The following SARNP variants were observed in gnomAD, a reference collection of about 807,000 sequenced individuals.
SARNP encodes the protein SAP domain-containing ribonucleoprotein.
A neutral mutation model predicts 38.1 loss-of-function variants in SARNP; 5 were observed. The ratio of observed to expected loss-of-function variants is 0.13; its 90% CI spans 0.07 to 0.28. SARNP has a LOEUF of 0.28. SARNP is among the 10% of genes least tolerant of loss of function. The pLI, the probability that SARNP is intolerant of heterozygous loss-of-function variation, is 1.00. For missense variants in SARNP, 180 were observed against 243.9 expected, an observed-to-expected ratio of 0.74 and a Z score of 1.75; for synonymous variants, 84 against 80.6, an observed-to-expected ratio of 1.04 and a Z score of -0.23.
intron 9 of SARNP, 147 bp from the exon 10 acceptor site, chr12:55,760,787 A>G: frequency 1.6e-6 from 1 of 623,400 alleles, no homozygotes; most frequent in Non-Finnish European, 2.9e-6. Flanking sequence ...GATACATAAG[A>G]AACTGAATAA....
intron 7 of SARNP, chr12:55,792,535 C>CTTTTTTTTTTTTTTTTTTTTTTTTT: frequency 9.7e-6 from 1 of 103,196 alleles, no homozygotes; most frequent in South Asian, 3.7e-4. Context: ...CCACACCCAG[C>CTTTTTTTTTTTTTTTTTTTTTTTTT]TTTTTTTTTT....
At chr12:55,803,003 T>C (rs1055600528) in intron 2 of SARNP, among the ~76,000 whole-genome samples, 1 of 149,800 alleles carries the variant, frequency 6.7e-6, no homozygotes, top group African/African-American at 2.4e-5. Context: ...AATTACCAAT[T>C]ATATAAATGA....
chr12:55,774,105 A>G (rs1192654261), intron 9 of SARNP, among the ~76,000 whole-genome samples: 1 of 152,084 alleles, frequency 6.6e-6, no homozygotes, highest in Non-Finnish European at 1.5e-5. Flanking sequence ...CCTTGGCTCA[A>G]GCAATCCTCC....
At chr12:55,773,969 A>C (rs1221792549) in intron 9 of SARNP, among the ~76,000 whole-genome samples, 1 of 151,930 alleles carries the variant, frequency 6.6e-6, no homozygotes, top group Non-Finnish European at 1.5e-5. Context: ...TGGCCTCCCA[A>C]AATGCTAGGA....
rs151159134 is a variant in SARNP, at chr12:55,774,619, G to A, written c.502-13979C>T. ...AAAAATTAGCCAGGTGTGGCGGCAT[G>A]CACCTGTAATCCCAGCTACTCGGGA... On this transcript the variant is annotated intron_variant, in intron 9 of 10. Coordinates refer to ENST00000336133, the MANE Select transcript of SARNP (RefSeq NM_033082.4). 4.4e-3 allele frequency among the ~76,000 whole-genome samples: 650 copies of A among 148,318 alleles called. 4 individuals are homozygous for A. The highest frequency in any genetic ancestry group is 4.2e-3 in the Non-Finnish European group (285 of 67,640).
At chr12:55,799,606 T>G (rs1374522127) in intron 4 of SARNP, among the ~76,000 whole-genome samples, 2 of 130,504 alleles carry the variant, frequency 1.5e-5, no homozygotes. Context: ...CAGGCTGGAG[T>G]GCAGTGCCAC....
At chr12:55,774,401 C>T (rs539240606) in intron 9 of SARNP, among the ~76,000 whole-genome samples, 1 of 151,818 alleles carries the variant, frequency 6.6e-6, no homozygotes, top group East Asian at 1.9e-4. Flanking sequence ...CCAATAAACT[C>T]CCTACCAATA....
At chr12:55,814,152 A>G (rs1880414082) in intron 1 of SARNP, among the ~76,000 whole-genome samples, 1 of 152,150 alleles carries the variant, frequency 6.6e-6, no homozygotes, top group Non-Finnish European at 1.5e-5. Flanking sequence ...TAAAGGTTTT[A>G]AGCAGGGGAA....
At chr12:55,760,398 C>T (rs559158384) in intron 10 of SARNP, 153 bp downstream of exon 10, 1 of 581,448 alleles carries the variant, frequency 1.7e-6, no homozygotes, top group South Asian at 2.4e-5. Flanking sequence ...TCAGTTTATT[C>T]ACTCTCACTT....
At chr12:55,800,667 A>G (rs1438595436) in intron 3 of SARNP, 38 bp from the exon 4 acceptor site, 2 of 1,514,238 alleles carry the variant, frequency 1.3e-6, no homozygotes, top group South Asian at 1.2e-5. Context: ...ACATAAATCT[A>G]AAGAATAAAT....
At chr12:55,800,117 G>A (rs1006710357) in intron 4 of SARNP, among the ~76,000 whole-genome samples, 10 of 151,862 alleles carry the variant, frequency 6.6e-5, no homozygotes, top group Non-Finnish European at 1.3e-4. Context: ...CTTGAGCCTG[G>A]GAAGCAGAAG....
Position 55,771,419 on chromosome 12 carries a change from G to A in SARNP, c.502-10779C>T, listed in dbSNP as rs890689001. On this transcript the variant is annotated intron_variant, in intron 9 of 10. Coordinates refer to ENST00000336133, the MANE Select transcript of SARNP (RefSeq NM_033082.4). ...TCACTGGATTCAAATAAGAAACATCGTTATTCTCTGCGACCAAAAGAATTA... is the reference window on the plus strand; with the variant it reads ...TCACTGGATTCAAATAAGAAACATCATTATTCTCTGCGACCAAAAGAATTA... Among the ~76,000 whole-genome samples the A allele has an allele frequency of 3.3e-5, 5 of 152,266 alleles. No homozygotes were observed. In the East Asian group the frequency reaches 5.8e-4, roughly 18 times the overall value.
At position 55,760,718 on chromosome 12, in the gene SARNP, T is replaced by C. The variant is rs547128530; in HGVS notation, c.502-78A>G. The C allele has an allele frequency of 5.1e-4, 520 of 1,015,602 alleles. 1 individual carries two copies. Among genetic ancestry groups the C allele is most frequent in the South Asian group, 1.6e-3 (118 of 75,816 alleles). 62.9% of individuals were successfully genotyped at this position (1,015,602 alleles called of 1,614,324 possible). A position where few individuals can be genotyped will look rare whatever the true frequency, so the allele number is the denominator to read the frequency against. Reference sequence around the variant, plus strand: ...TAAATGGGAATGAAATGATAACTTATTGGTCACAAGGTGCTAACCAACCCT... The same window carrying C: ...TAAATGGGAATGAAATGATAACTTACTGGTCACAAGGTGCTAACCAACCCT... On this transcript the variant is annotated intron_variant, in intron 9 of 10. Transcript: ENST00000336133.
At chr12:55,754,652 C>T (rs1177152691), downstream of SARNP, 1 of 152,206 alleles carries the variant, frequency 6.6e-6, no homozygotes, top group Non-Finnish European at 1.5e-5. Flanking sequence ...TATGTATTTC[C>T]ACAGTACCCT....
At chr12:55,792,677 C>A (rs1879709214) in intron 7 of SARNP, 1 of 151,772 alleles carries the variant, frequency 6.6e-6, no homozygotes, top group Non-Finnish European at 1.5e-5. Flanking sequence ...AACCACCGTG[C>A]CCAGCCTGTC....
chr12:55,767,618 C>T lies in SARNP; in HGVS notation c.502-6978G>A, dbSNP rs980327740. On this transcript the variant is annotated intron_variant, in intron 9 of 10. Transcript: ENST00000336133. ...ATCCCAGCACTTTGGGAGGCCGAGA[C>T]GGGTGGATCACGAGGTCAGGAGATC... 5.9e-5 allele frequency among the ~76,000 whole-genome samples: 9 copies of T among 151,860 alleles called. No individual in the cohort carries two copies. In the South Asian group the frequency reaches 6.2e-4, roughly 11 times the overall value.
chr12:55,799,661 C>A (rs867793925), intron 4 of SARNP, among the ~76,000 whole-genome samples: 1 of 146,580 alleles, frequency 6.8e-6, no homozygotes, highest in Admixed American at 7.2e-5. Flanking sequence ...TCAAGCAATT[C>A]TCCTGCCTCA....
intron 9 of SARNP, among the ~76,000 whole-genome samples, chr12:55,781,794 C>A (rs903901383): frequency 3.3e-5 from 5 of 152,178 alleles, no homozygotes; most frequent in Admixed American, 1.3e-4. Context: ...TCATGGCTTA[C>A]TGCAGCCTTG....
intron 5 of SARNP, 54 bp downstream of exon 5, chr12:55,795,971 G>T: frequency 8.1e-7 from 1 of 1,231,234 alleles, no homozygotes. Context: ...ATAATAAAGG[G>T]TAAGAGGGAG....
Sources: gnomAD v4.1 joint callset for allele counts (sites outside exome capture counted in the v4.1 genomes callset) on GRCh38, gnomAD v4.1.1 for gene constraint, MANE v1.5 for transcripts, NCBI Gene and HGNC (gene_info 2026-07-23, HGNC 2026-07-21) for gene names.